Variants in TRIM44 observed in about 807,000 individuals in gnomAD.
TRIM44 encodes tripartite motif containing 44.
In TRIM44, 13 loss-of-function variants were observed where a neutral mutation model predicts 37.4. The ratio of observed to expected loss-of-function variants is 0.35; its 90% CI spans 0.23 to 0.55. The LOEUF (loss-of-function observed/expected upper bound fraction) is 0.55. TRIM44 is among the 20% of genes least tolerant of loss of function. The probability of loss-of-function intolerance (pLI) is 0.89; values close to 1 mark genes in which losing one functional copy is unlikely to be tolerated. For missense variants in TRIM44, 426 were observed against 437.2 expected, an observed-to-expected ratio of 0.97 and a Z score of 0.23; for synonymous variants, 175 against 157.2, an observed-to-expected ratio of 1.11 and a Z score of -0.85.
At chr11:35,704,257 A>G (rs1359505307) in intron 2 of TRIM44, among the ~76,000 whole-genome samples, 1 of 152,222 alleles carries the variant, frequency 6.6e-6, no homozygotes, top group East Asian at 1.9e-4. Context: ...ATATGGGACT[A>G]TGTGAAAAGA....
chr11:35,754,775 A>G (rs1053752166), intron 4 of TRIM44, among the ~76,000 whole-genome samples: 3 of 150,956 alleles, frequency 2.0e-5, no homozygotes, highest in African/African-American at 7.3e-5. Context: ...TGTTCTTGCA[A>G]TAGTTTGCTG....
intron 4 of TRIM44, among the ~76,000 whole-genome samples, chr11:35,752,081 C>G (rs1488510296): frequency 6.6e-6 from 1 of 152,066 alleles, no homozygotes; most frequent in Non-Finnish European, 1.5e-5. Flanking sequence ...ATTCTTCTAC[C>G]CTTTGCCTTC....
chr11:35,720,798 T>C (rs1852097616), intron 2 of TRIM44, among the ~76,000 whole-genome samples: 1 of 152,182 alleles, frequency 6.6e-6, no homozygotes, highest in African/African-American at 2.4e-5. Flanking sequence ...TATTGTGATT[T>C]TTCCTCTTTA....
In TRIM44 at chr11:35,697,695, T is replaced by C. The variant is rs569178155; in HGVS notation, c.747+12359T>C. Among the ~76,000 whole-genome samples the C allele has an allele frequency of 1.8e-3, 279 of 151,752 alleles. 2 individuals are homozygous for C. Among genetic ancestry groups the C allele is most frequent in the African/African-American group, 6.5e-3 (268 of 41,406 alleles). ...TTCAATTCCCACCTATGAGTGAGAA[T>C]ATGCGGTGTTTGGTTTTTTGTCCTT... On this transcript the variant is annotated intron_variant, in intron 2 of 4. Transcript: ENST00000299413.
intron 4 of TRIM44, among the ~76,000 whole-genome samples, chr11:35,740,010 ACT>A (rs1852372590): frequency 6.7e-6 from 1 of 149,416 alleles, no homozygotes; most frequent in South Asian, 2.1e-4. Context: ...GAGGCAGGAG[ACT>A]CACTTGAGCC....
intron 4 of TRIM44, among the ~76,000 whole-genome samples, chr11:35,740,098 A>T (rs1247733495): frequency 1.9e-5 from 2 of 106,896 alleles, no homozygotes; most frequent in Non-Finnish European, 4.4e-5. Flanking sequence ...ACTCTGTCTA[A>T]AAAAAAAAAA....
chr11:35,763,769 C>T (rs1024168319), intron 4 of TRIM44, among the ~76,000 whole-genome samples: 3 of 152,108 alleles, frequency 2.0e-5, no homozygotes, highest in Non-Finnish European at 2.9e-5. Flanking sequence ...TGCCTTTGCT[C>T]GTAGCCTTCG....
intron 4 of TRIM44, among the ~76,000 whole-genome samples, chr11:35,772,778 ACTTGT>A (rs1177568625): frequency 2.0e-5 from 3 of 152,170 alleles, no homozygotes; most frequent in South Asian, 4.1e-4. Flanking sequence ...GGTGGAAGGG[ACTTGT>A]CTTGTCTCAG....
In TRIM44 at chr11:35,714,183, A is replaced by AT. The variant is rs1852010393; in HGVS notation, c.748-11740dup. The stretch of plus-strand genomic sequence containing the variant: ...CTCTTCTTCTGTGAGAGCTCAGTAG[A>AT]TACCATATGGGAGGCACACAATAAA... On this transcript the variant is annotated intron_variant, in intron 2 of 4. Transcript: ENST00000299413. Among the ~76,000 whole-genome samples the AT allele has an allele frequency of 2.0e-5, 3 of 152,274 alleles. No homozygotes were observed. In the South Asian group the frequency reaches 6.2e-4, roughly 32 times the overall value.
chr11:35,727,077 G>A (rs1328928850), intron 3 of TRIM44, among the ~76,000 whole-genome samples: 1 of 151,688 alleles, frequency 6.6e-6, no homozygotes, highest in Non-Finnish European at 1.5e-5. Flanking sequence ...AAGATTACTT[G>A]AGCCCCGGAG....
intron 4 of TRIM44, among the ~76,000 whole-genome samples, chr11:35,776,591 C>T (rs1852966300): frequency 6.6e-6 from 1 of 152,158 alleles, no homozygotes; most frequent in African/African-American, 2.4e-5. Context: ...CTCTTGTGGG[C>T]ATTTAGTGCT....
chr11:35,768,329 C>G (rs1852823436), intron 4 of TRIM44, among the ~76,000 whole-genome samples: 3 of 152,204 alleles, frequency 2.0e-5, no homozygotes, highest in Admixed American at 2.0e-4. Flanking sequence ...ATTATTCTCA[C>G]TTTGAAAATA....
At chr11:35,735,558 T>C (rs1852317733) in intron 4 of TRIM44, 113 bp downstream of exon 4, 1 of 1,064,730 alleles carries the variant, frequency 9.4e-7, no homozygotes, top group South Asian at 1.3e-5. Flanking sequence ...AAAAGGGATC[T>C]CTATCTTAAG....
intron 4 of TRIM44, among the ~76,000 whole-genome samples, chr11:35,766,480 A>G (rs1852800273): frequency 6.6e-6 from 1 of 152,206 alleles, no homozygotes; most frequent in South Asian, 2.1e-4. Context: ...ATCTAAGATG[A>G]CAGTTGAGAT....
rs1312004356 is a variant in TRIM44 at position 35,808,438 on chromosome 11, G to A, written c.*2053G>A. On this transcript the variant is annotated 3_prime_UTR_variant, in exon 5 of 5. Coordinates refer to ENST00000299413, the MANE Select transcript of TRIM44 (RefSeq NM_017583.6). ...ATTTTAGGATTTGGAAGCTTGTATTGTCTTTCCCCAATAATCATTGTTTGA... is the reference window on the plus strand; with the variant it reads ...ATTTTAGGATTTGGAAGCTTGTATTATCTTTCCCCAATAATCATTGTTTGA... 2.0e-5 allele frequency: 3 copies of A among 152,068 alleles called. No homozygotes were observed. Among genetic ancestry groups the A allele is most frequent in the Non-Finnish European group, 4.4e-5 (3 of 67,992 alleles). 9.4% of individuals were successfully genotyped at this position (152,068 alleles called of 1,614,324 possible). A position where few individuals can be genotyped will look rare whatever the true frequency, so the allele number is the denominator to read the frequency against.
At chr11:35,675,763 A>G (rs571545572) in intron 1 of TRIM44, among the ~76,000 whole-genome samples, 5 of 151,974 alleles carry the variant, frequency 3.3e-5, no homozygotes, top group African/African-American at 1.2e-4. Flanking sequence ...TTCGTGATCT[A>G]CCCACCTCGG....
chr11:35,736,788 A>G (rs569148431), intron 4 of TRIM44, among the ~76,000 whole-genome samples: 7 of 152,300 alleles, frequency 4.6e-5, no homozygotes, highest in African/African-American at 1.4e-4. Flanking sequence ...TTCAGACTCC[A>G]TCTTTCAACC....
At chr11:35,682,019 A>G (rs1357929011) in intron 1 of TRIM44, among the ~76,000 whole-genome samples, 1 of 128,492 alleles carries the variant, frequency 7.8e-6, no homozygotes, top group East Asian at 2.3e-4. Flanking sequence ...AGTGCAGTGG[A>G]GTGATCTTGG....
At chr11:35,771,588 G>A (rs1358066570) in intron 4 of TRIM44, among the ~76,000 whole-genome samples, 4 of 152,126 alleles carry the variant, frequency 2.6e-5, no homozygotes, top group African/African-American at 7.2e-5. Flanking sequence ...AGCTGGGCTT[G>A]TTGTCAGATG....
Sources: gnomAD v4.1 joint callset for allele counts (sites outside exome capture counted in the v4.1 genomes callset) on GRCh38, gnomAD v4.1.1 for gene constraint, MANE v1.5 for transcripts, NCBI Gene and HGNC (gene_info 2026-07-23, HGNC 2026-07-21) for gene names.